The following C10orf90 variants were observed in gnomAD, a reference collection of about 807,000 sequenced individuals.
C10orf90 encodes chromosome 10 open reading frame 90, also known as (E2-independent) E3 ubiquitin-conjugating enzyme FATS.
Under a neutral mutation model 62.5 loss-of-function variants are expected in C10orf90, and 56 were observed. The observed-to-expected ratio is 0.90, with a 90% CI of 0.72 to 1.12. The LOEUF is 1.12. Ranked by LOEUF, C10orf90 falls within the 50% of genes most tolerant of loss-of-function variation. The probability of loss-of-function intolerance (pLI) is 0.00; values close to 1 mark genes in which losing one functional copy is unlikely to be tolerated. For missense variants in C10orf90, 970 were observed against 880.4 expected (o/e 1.10, Z -1.29); for synonymous variants, 386 against 340.4 (o/e 1.13, Z -1.47).
At chr10:126,553,077 TAGA>T (rs1439620629) in intron 2 of C10orf90, among the ~76,000 whole-genome samples, 5 of 152,078 alleles carry the variant, frequency 3.3e-5, no homozygotes, top group Admixed American at 3.3e-4. Flanking sequence ...AAAGAAAACA[TAGA>T]AGAATATCTT....
chr10:126,501,475 G>A (rs1862376171), intron 4 of C10orf90, among the ~76,000 whole-genome samples: 1 of 152,166 alleles, frequency 6.6e-6, no homozygotes, highest in Non-Finnish European at 1.5e-5. Context: ...TGTGGCTTTG[G>A]ACTTTGCAAC....
chr10:126,433,549 C>G (rs1449358526), intron 7 of C10orf90, among the ~76,000 whole-genome samples: 2 of 152,048 alleles, frequency 1.3e-5, no homozygotes, highest in Non-Finnish European at 1.5e-5. Context: ...CTCTCCTGGT[C>G]CCACAACTCA....
intron 7 of C10orf90, among the ~76,000 whole-genome samples, chr10:126,455,648 G>A (rs1859507982): frequency 6.6e-6 from 1 of 152,190 alleles, no homozygotes; most frequent in Non-Finnish European, 1.5e-5. Context: ...GTATTTATTG[G>A]CTCTGAGAGT....
At chr10:126,559,574 C>A (rs753729658) in intron 2 of C10orf90, among the ~76,000 whole-genome samples, 1 of 152,210 alleles carries the variant, frequency 6.6e-6, no homozygotes. Flanking sequence ...CCCCACCAAC[C>A]CCTGACCCTC....
At chr10:126,561,551 T>A (rs1864898870) in intron 2 of C10orf90, among the ~76,000 whole-genome samples, 1 of 152,172 alleles carries the variant, frequency 6.6e-6, no homozygotes, top group South Asian at 2.1e-4. Context: ...GACTGTGGAA[T>A]TCCGATGACA....
rs571965068 is a variant in C10orf90, at chr10:126,573,159, A to G, written c.314-59220T>C. ...CAATTCCTGTCCCTTTTAAGGGCTTACAACTCTAAGAGGGTCCATGTGAGA... is the reference window on the plus strand; with the variant it reads ...CAATTCCTGTCCCTTTTAAGGGCTTGCAACTCTAAGAGGGTCCATGTGAGA... On this transcript the variant is annotated intron_variant, in intron 2 of 9. Transcript: ENST00000488181. 6.6e-5 allele frequency among the ~76,000 whole-genome samples: 10 copies of G among 152,264 alleles called. No individual in the cohort carries two copies. The East Asian group carries it at 1.7e-3, about 27-fold the overall frequency.
intron 4 of C10orf90, among the ~76,000 whole-genome samples, chr10:126,496,218 G>GT (rs1346341016): frequency 6.6e-6 from 1 of 152,138 alleles, no homozygotes; most frequent in African/African-American, 2.4e-5. Context: ...CCTAAACAGT[G>GT]TAGGGACACC....
intron 1 of C10orf90, among the ~76,000 whole-genome samples, chr10:126,667,935 C>A (rs1287710010): frequency 6.6e-6 from 1 of 152,134 alleles, no homozygotes; most frequent in Non-Finnish European, 1.5e-5. Context: ...CCCCTCACCA[C>A]CACCTGCTCC....
chr10:126,596,745 G>A (rs761855415), intron 2 of C10orf90, among the ~76,000 whole-genome samples: 5 of 152,192 alleles, frequency 3.3e-5, no homozygotes, highest in South Asian at 2.1e-4. Context: ...ATGGGTACCC[G>A]AAGTATAGTT....
intron 2 of C10orf90, among the ~76,000 whole-genome samples, chr10:126,517,147 G>A (rs1322922029): frequency 1.3e-5 from 2 of 152,174 alleles, no homozygotes; most frequent in Non-Finnish European, 2.9e-5. Context: ...ACTAGTTGGG[G>A]AGATGGAGGT....
At position 126,492,664 on chromosome 10, in the gene C10orf90, CAT is replaced by C. The variant is rs560763673; in HGVS notation, c.1534+11291_1534+11292del. The stretch of plus-strand genomic sequence containing the variant: ...AGATGAAATACAGATGTACAACAAA[CAT>C]ATGAGAACATTCAATATCTTTCTGA... On this transcript the variant is annotated intron_variant, in intron 4 of 9. Transcript: ENST00000488181. Among the ~76,000 whole-genome samples the C allele has an allele frequency of 1.0e-3, 155 of 152,230 alleles. 2 individuals carry two copies. The highest frequency in any genetic ancestry group is 3.5e-3 in the African/African-American group (146 of 41,552).
At chr10:126,560,311 C>T (rs1864872647) in intron 2 of C10orf90, among the ~76,000 whole-genome samples, 1 of 152,148 alleles carries the variant, frequency 6.6e-6, no homozygotes. Context: ...GGAGGAAAAC[C>T]AAATTAATTT....
chr10:126,505,776 G>A (rs1000443562), intron 3 of C10orf90, among the ~76,000 whole-genome samples: 4 of 152,130 alleles, frequency 2.6e-5, no homozygotes, highest in Non-Finnish European at 4.4e-5. Flanking sequence ...CCAACATGGA[G>A]AAACCCCGTC....
intron 2 of C10orf90, among the ~76,000 whole-genome samples, chr10:126,596,867 C>T (rs763178670): frequency 6.6e-5 from 10 of 152,208 alleles, no homozygotes; most frequent in Middle Eastern, 3.4e-3. Flanking sequence ...CTCAATATGA[C>T]AACTCAATTT....
chr10:126,551,299 T>C (rs1009511552), intron 2 of C10orf90, among the ~76,000 whole-genome samples: 2 of 152,252 alleles, frequency 1.3e-5, no homozygotes, highest in African/African-American at 4.8e-5. Flanking sequence ...TTTCTACCAC[T>C]ACCAACACCT....
chr10:126,504,540 G>A lies in C10orf90; in HGVS notation c.951C>T (p.Arg317=). 4 of 1,614,234 alleles carry A rather than the reference G, an allele frequency of 2.5e-6. No individual in the cohort carries two copies. Among genetic ancestry groups the A allele is most frequent in the Non-Finnish European group, 2.5e-6 (3 of 1,180,040 alleles). Residue 317 remains arginine, a synonymous_variant, in exon 4 of 10, where the codon CGC becomes CGT. Coordinates refer to ENST00000488181, the MANE Select transcript of C10orf90 (RefSeq NM_001350921.2). The surrounding 1 kb of genome is among the most constrained non-coding windows in gnomAD (Gnocchi z 4.1). ...PEAHTGLCER[R]KYWVTHADDK... ...CGTCTGCATGGGTGACCCAGTACTT[G>A]CGTCTCTCACACAACCCAGTGTGGG...
intron 7 of C10orf90, among the ~76,000 whole-genome samples, chr10:126,458,008 G>T (rs1859694074): frequency 6.6e-6 from 1 of 152,078 alleles, no homozygotes. Flanking sequence ...TAGCCACAGG[G>T]AAGGATGCAT....
intron 4 of C10orf90, among the ~76,000 whole-genome samples, chr10:126,490,029 A>T (rs1335436980): frequency 4.9e-5 from 5 of 102,624 alleles, no homozygotes; most frequent in South Asian, 4.7e-4. Context: ...ATAATATATA[A>T]TATATAATAT....
intron 1 of C10orf90, among the ~76,000 whole-genome samples, chr10:126,647,458 C>A (rs1564908277): frequency 6.6e-6 from 1 of 152,222 alleles, no homozygotes; most frequent in Admixed American, 6.5e-5. Flanking sequence ...CCATTATCGG[C>A]CCCTTCTCAT....
Sources: gnomAD v4.1 joint callset for allele counts (sites outside exome capture counted in the v4.1 genomes callset) on GRCh38, gnomAD v4.1.1 for gene constraint, Gnocchi (gnomAD v3.1) non-coding constraint, MANE v1.5 for transcripts, NCBI Gene and HGNC (gene_info 2026-07-23, HGNC 2026-07-21) for gene names.